The following ZNF362 variants were observed in gnomAD, a reference collection of about 807,000 sequenced individuals.
The protein encoded by ZNF362 is rotund homolog.
In ZNF362, 11 loss-of-function variants were observed where a neutral mutation model predicts 42.9. That is an observed-to-expected ratio of 0.26 (90% confidence interval 0.16 to 0.42). The LOEUF (loss-of-function observed/expected upper bound fraction) is 0.42, where lower values mean the gene tolerates loss of function less well. Ranked by LOEUF, ZNF362 falls within the 20% of genes least tolerant of loss-of-function variation. ZNF362 has a pLI of 1.00. For missense variants in ZNF362, 362 were observed against 576.2 expected, an observed-to-expected ratio of 0.63 and a Z score of 3.81; for synonymous variants, 255 against 257.3, an observed-to-expected ratio of 0.99 and a Z score of 0.09.
At chr1:33,258,091 G>GACCAT (rs1645806078) in intron 1 of ZNF362, among the ~76,000 whole-genome samples, 3 of 152,228 alleles carry the variant, frequency 2.0e-5, no homozygotes, top group Admixed American at 6.5e-5. Context: ...TGGTTTGCTA[G>GACCAT]ACCTCCTCGG....
the ZNF362 span, among the ~76,000 whole-genome samples, chr1:33,250,896 G>GAAGAAGAAGAAGAAGAAGA: frequency 7.5e-5 from 3 of 39,974 alleles, no homozygotes; most frequent in East Asian, 2.5e-3. Flanking sequence ...GAAGAAGAAG[G>GAAGAAGAAGAAGAAGAAGA]AGAAGAAGAA....
At chr1:33,295,449 G>C (rs1211659045) in intron 8 of ZNF362, 144 bp downstream of exon 8, 1 of 1,125,080 alleles carries the variant, frequency 8.9e-7, no homozygotes, top group African/African-American at 1.6e-5. Context: ...GACACCCTGA[G>C]ATCACAGGGA....
the ZNF362 span, among the ~76,000 whole-genome samples, chr1:33,246,554 C>T: frequency 6.6e-6 from 1 of 152,176 alleles, no homozygotes; most frequent in African/African-American, 2.4e-5. Flanking sequence ...GTCCCCAGTT[C>T]AGAGGGCTGA....
the ZNF362 span, among the ~76,000 whole-genome samples, chr1:33,138,163 A>C: frequency 6.6e-6 from 1 of 152,108 alleles, no homozygotes; most frequent in Non-Finnish European, 1.5e-5. Flanking sequence ...CTGGAGCAAG[A>C]GCGTTCTGGG....
At chr1:33,178,942 T>C in the ZNF362 span, among the ~76,000 whole-genome samples, 1 of 152,210 alleles carries the variant, frequency 6.6e-6, no homozygotes, top group African/African-American at 2.4e-5. Context: ...ACCAAGGCTC[T>C]GAAGCAGAGG....
upstream of ZNF362, among the ~76,000 whole-genome samples, chr1:33,254,016 T>A (rs1237251632): frequency 6.6e-6 from 1 of 152,234 alleles, no homozygotes; most frequent in Non-Finnish European, 1.5e-5. Context: ...TTGTTACGAT[T>A]TGTTATAATT....
rs958327797 is a variant in ZNF362, at chr1:33,299,734, C to G, written c.*688C>G. Reference sequence around the variant, plus strand: ...TGCAGTGATGGGCTGGGTGGCGGGCCCAGGGAAATGGGGTGGGGATGGGCT... The same window carrying G: ...TGCAGTGATGGGCTGGGTGGCGGGCGCAGGGAAATGGGGTGGGGATGGGCT... On this transcript the variant is annotated 3_prime_UTR_variant, in exon 9 of 9. Transcript: ENST00000539719. The G allele has an allele frequency of 6.5e-6, 1 of 152,672 alleles. No homozygotes were observed. Among genetic ancestry groups the G allele is most frequent in the African/African-American group, 2.4e-5 (1 of 41,414 alleles). The allele number at this position is 152,672 out of a possible 1,614,324, so 9.5% of individuals were successfully genotyped here. A position where few individuals can be genotyped will look rare whatever the true frequency, so the allele number is the denominator to read the frequency against.
At chr1:33,222,372 T>G in the ZNF362 span, among the ~76,000 whole-genome samples, 1 of 152,224 alleles carries the variant, frequency 6.6e-6, no homozygotes, top group African/African-American at 2.4e-5. Context: ...TCTCTTCATT[T>G]GCAGTGCACC....
At chr1:33,279,985 G>A (rs944774288) in intron 4 of ZNF362, 139 bp from the exon 5 acceptor site, 1 of 951,088 alleles carries the variant, frequency 1.1e-6, no homozygotes, top group Admixed American at 3.2e-5. Context: ...CATGCACAAG[G>A]TCTCATTTAG....
the ZNF362 span, among the ~76,000 whole-genome samples, chr1:33,238,012 T>C: frequency 3.3e-5 from 5 of 152,266 alleles, no homozygotes; most frequent in African/African-American, 1.2e-4. Flanking sequence ...ATTTACTATC[T>C]AGCCTTTTAT....
At chr1:33,293,156 G>A (rs980932734) in intron 6 of ZNF362, among the ~76,000 whole-genome samples, 10 of 152,214 alleles carry the variant, frequency 6.6e-5, no homozygotes, top group South Asian at 4.1e-4. Context: ...CAGTTCGCTC[G>A]GGAGATTCCG....
At chr1:33,268,229 A>C (rs1645877971) in intron 1 of ZNF362, among the ~76,000 whole-genome samples, 1 of 152,188 alleles carries the variant, frequency 6.6e-6, no homozygotes, top group Admixed American at 6.5e-5. Context: ...AGACACAGGA[A>C]ATAGTAAACA....
the ZNF362 span, among the ~76,000 whole-genome samples, chr1:33,180,754 C>T: frequency 1.3e-5 from 2 of 152,228 alleles, no homozygotes; most frequent in Non-Finnish European, 2.9e-5. Flanking sequence ...CCCGACTTCT[C>T]CCTAACCGCG....
At chr1:33,178,782 T>C in the ZNF362 span, among the ~76,000 whole-genome samples, 4 of 152,354 alleles carry the variant, frequency 2.6e-5, no homozygotes, top group East Asian at 7.7e-4. Context: ...CAAGTGGCAG[T>C]CCTGTTTTAC....
At chr1:33,261,150 A>G (rs540679067) in intron 1 of ZNF362, 25 of 152,262 alleles carry the variant, frequency 1.6e-4, no homozygotes, top group African/African-American at 5.8e-4. Context: ...GAATCCCTCA[A>G]CTGTTGAGGG....
At chr1:33,210,108 G>A in the ZNF362 span, among the ~76,000 whole-genome samples, 1 of 152,194 alleles carries the variant, frequency 6.6e-6, no homozygotes, top group African/African-American at 2.4e-5. Context: ...ATGTGCCCCA[G>A]AGATTCTGGT....
At chr1:33,221,279 A>G in the ZNF362 span, among the ~76,000 whole-genome samples, 1 of 152,192 alleles carries the variant, frequency 6.6e-6, no homozygotes. Context: ...ACCTGTCCTG[A>G]CTGTGGGTGG....
chr1:33,230,494 C>T, the ZNF362 span, among the ~76,000 whole-genome samples: 1 of 152,186 alleles, frequency 6.6e-6, no homozygotes. Flanking sequence ...ATGCTCCCAC[C>T]ATCTGTAGGA....
intron 1 of ZNF362, among the ~76,000 whole-genome samples, chr1:33,267,828 A>G (rs147336796): frequency 2.2e-4 from 33 of 152,304 alleles, no homozygotes; most frequent in African/African-American, 7.7e-4. Flanking sequence ...AGCTTTGTAC[A>G]TATAACTTTT....
Sources: allele counts gnomAD v4.1 joint callset (sites outside exome capture counted in the v4.1 genomes callset), GRCh38; gene constraint gnomAD v4.1.1; transcripts MANE v1.5; gene names NCBI Gene and HGNC (gene_info 2026-07-23, HGNC 2026-07-21).